SHPRH: variants seen among roughly 807,000 people sequenced by gnomAD.
SHPRH encodes SNF2 histone linker PHD RING helicase.
Under a neutral mutation model 202.5 loss-of-function variants are expected in SHPRH, and 106 were observed. The ratio of observed to expected loss-of-function variants is 0.52; its 90% confidence interval spans 0.45 to 0.62. SHPRH has a LOEUF of 0.62. Ranked by LOEUF, SHPRH falls within the 20% of genes least tolerant of loss-of-function variation. The pLI is 0.00. For synonymous variants in SHPRH, 729 were observed against 686.0 expected, an observed-to-expected ratio of 1.06 and a Z score of -0.98; for missense variants, 1,710 against 2,020.0, an observed-to-expected ratio of 0.85 and a Z score of 2.94.
intron 14 of SHPRH, among the ~76,000 whole-genome samples, chr6:145,932,513 G>C (rs182587931): frequency 2.3e-4 from 35 of 152,238 alleles, no homozygotes; most frequent in Admixed American, 2.0e-3. Flanking sequence ...CGTTCTGTGT[G>C]TGTGTGTGGG....
intron 14 of SHPRH, 124 bp from the exon 15 acceptor site, chr6:145,927,401 T>A: frequency 1.1e-6 from 1 of 881,050 alleles, no homozygotes; most frequent in Non-Finnish European, 1.7e-6. Flanking sequence ...TTTTTTTAAG[T>A]AAAGAAATTT....
intron 18 of SHPRH, among the ~76,000 whole-genome samples, 154 bp from the exon 19 acceptor site, chr6:145,922,990 G>A (rs1246836064): frequency 6.7e-6 from 1 of 149,514 alleles, no homozygotes; most frequent in Non-Finnish European, 1.5e-5. Context: ...TTTTCCTTCA[G>A]AATGTATTCA....
At chr6:145,871,403 C>T (rs1780049193) in intron 2 of SHPRH, 1 of 152,142 alleles carries the variant, frequency 6.6e-6, no homozygotes, top group Non-Finnish European at 1.5e-5. Flanking sequence ...ACACCAACAA[C>T]AGGCAAGCCA....
At chr6:145,920,196 T>G (rs1424233634) in intron 21 of SHPRH, among the ~76,000 whole-genome samples, 1 of 152,130 alleles carries the variant, frequency 6.6e-6, no homozygotes, top group Non-Finnish European at 1.5e-5. Flanking sequence ...TCAATTGCTC[T>G]TCTGTGAAAA....
chr6:145,930,984 A>G lies in SHPRH; in HGVS notation c.3112+2073T>C, dbSNP rs182529411. On this transcript the variant is annotated intron_variant, in intron 14 of 29. Transcript: ENST00000275233. ...TATTCTTTGCTCTGAAATCTACTTT[A>G]TAAGTTCCAGTGGTACAATCAGTTA... Among the ~76,000 whole-genome samples, 188 of 152,282 alleles carry G rather than the reference A, an allele frequency of 1.2e-3. 2 individuals carry two copies. The highest frequency in any genetic ancestry group is 2.9e-3 in the Admixed American group (45 of 15,294).
At chr6:145,927,829 G>C (rs1053528920) in intron 14 of SHPRH, among the ~76,000 whole-genome samples, 2 of 151,824 alleles carry the variant, frequency 1.3e-5, no homozygotes, top group Non-Finnish European at 2.9e-5. Flanking sequence ...AGAAACTCAG[G>C]GATCTCCCTC....
downstream of SHPRH, among the ~76,000 whole-genome samples, chr6:145,882,206 C>T (rs183667100): frequency 3.9e-5 from 6 of 152,020 alleles, no homozygotes; most frequent in East Asian, 1.2e-3. Flanking sequence ...AATAGTAATC[C>T]CTTAAAAATA....
intron 1 of SHPRH, among the ~76,000 whole-genome samples, chr6:145,955,909 G>A (rs1788458261): frequency 6.6e-6 from 1 of 152,090 alleles, no homozygotes; most frequent in Admixed American, 6.6e-5. Flanking sequence ...TTCTCAATAT[G>A]TTAAAGGTAG....
chr6:145,940,538 A>G (rs1227619764), intron 11 of SHPRH, among the ~76,000 whole-genome samples, 185 bp downstream of exon 11: 1 of 152,138 alleles, frequency 6.6e-6, no homozygotes, highest in East Asian at 1.9e-4. Flanking sequence ...TCATATACAT[A>G]AACAGAAAAA....
chr6:145,930,010 C>A (rs751720659), intron 14 of SHPRH, among the ~76,000 whole-genome samples: 1 of 152,080 alleles, frequency 6.6e-6, no homozygotes, highest in African/African-American at 2.4e-5. Context: ...GACAAAGACA[C>A]TGAAGTTCGG....
At chr6:145,868,176 C>T (rs979142465) in intron 2 of SHPRH, among the ~76,000 whole-genome samples, 5 of 152,184 alleles carry the variant, frequency 3.3e-5, no homozygotes, top group South Asian at 4.1e-4. Context: ...GTGTCCAAAG[C>T]TCCTCTTCTT....
In SHPRH at chr6:145,943,624, T is replaced by C. The variant is rs371337526; in HGVS notation, c.1757A>G (p.Lys586Arg). The change falls in exon 9 of 30, where the codon AAA (lysine) becomes AGA (arginine). Residue 586 changes from lysine (K) to arginine (R), a missense_variant. Physicochemically the swap from Lys to Arg is conservative, Grantham distance 26. This residue lies in a region of SHPRH where 348 missense variants were observed against 356.9 expected (regional missense o/e 0.97). Coordinates refer to ENST00000275233, the MANE Select transcript of SHPRH (RefSeq NM_001042683.3). The part of the protein sequence containing the change: ...LRKKLVPSTK[K>R]GKSQPFINPD... ...ATTGATAAATGGTTGACTTTTTCCT[T>C]TTTTTGTGGATGGAACAAGCTTTTT... 4.3e-6 allele frequency: 7 copies of C among 1,613,792 alleles called. No individual in the cohort carries two copies. In the African/African-American group the frequency reaches 6.7e-5, roughly 15 times the overall value.
At chr6:145,924,936 TTTAAAGCTAC>T in intron 16 of SHPRH, 90 bp from the exon 17 acceptor site, 3 of 974,562 alleles carry the variant, frequency 3.1e-6, no homozygotes, top group Non-Finnish European at 4.7e-6. Context: ...ATTTTATACA[TTTAAAGCTAC>T]TTAACTGCAT....
At chr6:145,880,955 A>T (rs1243664061), downstream of SHPRH, among the ~76,000 whole-genome samples, 2 of 152,192 alleles carry the variant, frequency 1.3e-5, no homozygotes, top group Non-Finnish European at 2.9e-5. Flanking sequence ...CTTCTCTTCC[A>T]GTGATCTCCA....
chr6:145,923,305 CTG>C (rs1286791990), intron 18 of SHPRH, among the ~76,000 whole-genome samples: 1 of 151,590 alleles, frequency 6.6e-6, no homozygotes, highest in African/African-American at 2.4e-5. Context: ...TTAATTAAAT[CTG>C]TAATTATGCA....
chr6:145,945,049 T>C (rs1481416837), intron 8 of SHPRH, among the ~76,000 whole-genome samples: 4 of 152,090 alleles, frequency 2.6e-5, no homozygotes, highest in South Asian at 4.1e-4. Context: ...ATGCCCTGTG[T>C]CTTAAAAAAA....
chr6:145,858,097 A>G, the SHPRH span, among the ~76,000 whole-genome samples: 1 of 152,246 alleles, frequency 6.6e-6, no homozygotes, highest in East Asian at 1.9e-4. Context: ...AAATGGGAAC[A>G]TTCATACTTT....
intron 24 of SHPRH, among the ~76,000 whole-genome samples, chr6:145,912,504 C>CAT (rs1656263815): frequency 1.3e-5 from 2 of 152,076 alleles, no homozygotes; most frequent in African/African-American, 4.8e-5. Flanking sequence ...AAAAATACTA[C>CAT]TTTATGTCAT....
intron 7 of SHPRH, among the ~76,000 whole-genome samples, 191 bp downstream of exon 7, chr6:145,946,042 C>A (rs1787338473): frequency 6.6e-6 from 1 of 151,890 alleles, no homozygotes; most frequent in African/African-American, 2.4e-5. Context: ...CTACCTGGGC[C>A]AAGTCAAACA....
Sources: allele counts gnomAD v4.1 joint callset (sites outside exome capture counted in the v4.1 genomes callset), GRCh38; gene constraint gnomAD v4.1.1; regional missense constraint gnomAD v4.1.1; transcripts MANE v1.5; gene names NCBI Gene and HGNC (gene_info 2026-07-23, HGNC 2026-07-21).